Variants in TEX9 observed in about 807,000 individuals in gnomAD.
The protein encoded by TEX9 is testis-expressed protein 9.
In TEX9, 74 loss-of-function variants were observed where a neutral mutation model predicts 59.6. The observed-to-expected ratio is 1.24, with a 90% CI of 1.03 to 1.51. The LOEUF (loss-of-function observed/expected upper bound fraction) is 1.51, where lower values mean the gene tolerates loss of function less well. TEX9 is among the 40% of genes most tolerant of loss of function. The pLI, the probability that TEX9 is intolerant of heterozygous loss-of-function variation, is 0.00. For missense variants in TEX9, 522 were observed against 447.8 expected (o/e 1.17, Z -1.49); for synonymous variants, 186 against 152.2 (o/e 1.22, Z -1.64).
chr15:56,245,537 A>G, intron 1 of TEX9, among the ~76,000 whole-genome samples: 1 of 152,226 alleles, frequency 6.6e-6, no homozygotes, highest in East Asian at 1.9e-4. Flanking sequence ...GTGTAAAGAC[A>G]GTATTTTTGT....
At chr15:56,451,047 A>G in the TEX9 span, among the ~76,000 whole-genome samples, 1 of 152,166 alleles carries the variant, frequency 6.6e-6, no homozygotes, top group African/African-American at 2.4e-5. Context: ...AGAAACGTCT[A>G]AGTTCTTTGT....
intron 1 of TEX9, among the ~76,000 whole-genome samples, chr15:56,358,890 T>G (rs1405104524): frequency 6.6e-6 from 1 of 152,118 alleles, no homozygotes; most frequent in Non-Finnish European, 1.5e-5. Flanking sequence ...GTACTTGCTC[T>G]CTCTCCTGCC....
chr15:56,453,051 TC>T, the TEX9 span, among the ~76,000 whole-genome samples: 1 of 152,204 alleles, frequency 6.6e-6, no homozygotes, highest in Admixed American at 6.5e-5. Context: ...TATTTTCTTT[TC>T]CAAATTTTTA....
intron 3 of TEX9, 101 bp downstream of exon 3, chr15:56,373,605 T>C: frequency 1.1e-6 from 1 of 909,836 alleles, no homozygotes; most frequent in Non-Finnish European, 1.6e-6. Context: ...CCAAAGCATG[T>C]GTGTTCAGTT....
intron 4 of TEX9, 33 bp downstream of exon 4, chr15:56,384,064 T>G: frequency 6.6e-7 from 1 of 1,516,776 alleles, no homozygotes; most frequent in Non-Finnish European, 9.1e-7. Flanking sequence ...CACCTTCTTT[T>G]AAAAGGATGT....
intron 2 of TEX9, among the ~76,000 whole-genome samples, chr15:56,372,392 A>G (rs1169587679): frequency 6.6e-6 from 1 of 152,140 alleles, no homozygotes; most frequent in African/African-American, 2.4e-5. Context: ...AAAACAAGAT[A>G]TCTAATTTTT....
chr15:56,415,509 T>C (rs1252556751), intron 10 of TEX9, among the ~76,000 whole-genome samples: 1 of 151,834 alleles, frequency 6.6e-6, no homozygotes, highest in Non-Finnish European at 1.5e-5. Context: ...TCCCATTGCT[T>C]TTGTCAGGTT....
chr15:56,437,286 C>G (rs1006506924), intron 12 of TEX9, among the ~76,000 whole-genome samples: 2 of 152,188 alleles, frequency 1.3e-5, no homozygotes, highest in Non-Finnish European at 2.9e-5. Context: ...TGGGCTTCAT[C>G]CCTGGAAGGC....
chr15:56,437,822 A>G (rs1323757233), intron 12 of TEX9, among the ~76,000 whole-genome samples: 1 of 152,168 alleles, frequency 6.6e-6, no homozygotes, highest in African/African-American at 2.4e-5. Context: ...TACACCAATA[A>G]CAGACAGACA....
Position 56,426,640 on chromosome 15 carries a change from C to A in TEX9, c.964-965C>A, listed in dbSNP as rs1439070148. 3.5e-3 allele frequency among the ~76,000 whole-genome samples: 187 copies of A among 52,962 alleles called. 1 individual carries two copies. The highest frequency in any genetic ancestry group is 7.6e-3 in the African/African-American group (169 of 22,358). 34.7% of individuals were successfully genotyped at this position (52,962 alleles called of 152,430 possible). A position where few individuals can be genotyped will look rare whatever the true frequency, so the allele number is the denominator to read the frequency against. On this transcript the variant is annotated intron_variant, in intron 10 of 12. Coordinates refer to ENST00000352903, the Ensembl canonical transcript of TEX9. ...ATATATATATATACACACACACAAACACACACACACACACGTATGTATACA... is the reference window on the plus strand; with the variant it reads ...ATATATATATATACACACACACAAAAACACACACACACACGTATGTATACA...
chr15:56,267,635 TG>T (rs759133200), intron 1 of TEX9, among the ~76,000 whole-genome samples: 2 of 152,184 alleles, frequency 1.3e-5, no homozygotes, highest in African/African-American at 2.4e-5. Context: ...TTCAGATGGT[TG>T]TAGATGTGTG....
In TEX9 at chr15:56,411,084, C is replaced by T. The variant is rs186991282; in HGVS notation, c.829-1218C>T. Among the ~76,000 whole-genome samples, 30 of 152,300 alleles carry T rather than the reference C, an allele frequency of 2.0e-4. No individual in the cohort carries two copies. The East Asian group carries it at 5.0e-3, about 25-fold the overall frequency. On this transcript the variant is annotated intron_variant, in intron 9 of 12. Transcript: ENST00000352903. Reference sequence around the variant, plus strand: ...GGAAAAAATTATAAAAGAATATAGACAACTGTATTTTTAACTTCATCATTT... The same window carrying T: ...GGAAAAAATTATAAAAGAATATAGATAACTGTATTTTTAACTTCATCATTT...
chr15:56,458,753 A>C, the TEX9 span, among the ~76,000 whole-genome samples: 7 of 152,230 alleles, frequency 4.6e-5, no homozygotes, highest in African/African-American at 1.7e-4. Flanking sequence ...TATGCATTTA[A>C]AGTTCCTCCA....
At chr15:56,447,022 ATTT>A, downstream of TEX9, 1 of 934,422 alleles carries the variant, frequency 1.1e-6, no homozygotes, top group South Asian at 1.5e-5. Context: ...GAGTAACTGT[ATTT>A]TTAATTTACT....
chr15:56,371,071 G>C (rs1335788621), intron 2 of TEX9, among the ~76,000 whole-genome samples: 2 of 152,068 alleles, frequency 1.3e-5, no homozygotes, highest in African/African-American at 4.8e-5. Context: ...TGGCCAGGCT[G>C]GTCTCCTGGC....
At chr15:56,354,144 A>G (rs1174930517) in intron 1 of TEX9, among the ~76,000 whole-genome samples, 1 of 152,186 alleles carries the variant, frequency 6.6e-6, no homozygotes, top group Admixed American at 6.5e-5. Context: ...TGTTGTATAT[A>G]TGTATTCTGA....
chr15:56,292,744 C>T (rs1404037665), intron 1 of TEX9, among the ~76,000 whole-genome samples: 1 of 152,156 alleles, frequency 6.6e-6, no homozygotes, highest in Non-Finnish European at 1.5e-5. Context: ...AGTAATCCAC[C>T]ATTCCTGACA....
chr15:56,407,739 T>G (rs1320454405), intron 9 of TEX9, among the ~76,000 whole-genome samples: 4 of 152,202 alleles, frequency 2.6e-5, no homozygotes, highest in East Asian at 1.9e-4. Flanking sequence ...TCCTCAACTT[T>G]CCAACACCCC....
intron 1 of TEX9, among the ~76,000 whole-genome samples, chr15:56,253,755 C>T (rs1347652600): frequency 6.6e-6 from 1 of 151,940 alleles, no homozygotes; most frequent in Admixed American, 6.6e-5. Context: ...CTTATCGCTG[C>T]CCAATGTATA....
Sources: allele counts gnomAD v4.1 joint callset (sites outside exome capture counted in the v4.1 genomes callset), GRCh38; gene constraint gnomAD v4.1.1; transcripts MANE v1.5; gene names NCBI Gene and HGNC (gene_info 2026-07-23, HGNC 2026-07-21).